Variants in ME3 observed in about 807,000 individuals in gnomAD.
ME3 encodes the protein malic enzyme 3.
Under a neutral mutation model 68.9 loss-of-function variants are expected in ME3, and 48 were observed. The observed-to-expected ratio is 0.70, with a 90% CI of 0.55 to 0.89. The LOEUF (loss-of-function observed/expected upper bound fraction) is 0.89. Among genes scored for constraint, ME3 ranks in the 40% least tolerant of loss-of-function variants. The probability of loss-of-function intolerance (pLI) is 0.00; values close to 1 mark genes in which losing one functional copy is unlikely to be tolerated. For synonymous variants in ME3, 320 were observed against 318.8 expected (o/e 1.00, Z -0.04); for missense variants, 675 against 797.4 (o/e 0.85, Z 1.85).
At chr11:86,498,195 C>T (rs1952488889) in intron 5 of ME3, 71 bp from the exon 6 acceptor site, 1 of 1,514,486 alleles carries the variant, frequency 6.6e-7, no homozygotes, top group Non-Finnish European at 8.9e-7. Context: ...TTAGCAGCCC[C>T]AGCCCATCAG....
intron 2 of ME3, among the ~76,000 whole-genome samples, chr11:86,662,365 G>A (rs1294326531): frequency 1.3e-5 from 2 of 152,170 alleles, no homozygotes; most frequent in Non-Finnish European, 1.5e-5. Context: ...GAGGTGGGAG[G>A]ATCACTTGAG....
At chr11:86,575,974 G>A (rs1308870673) in intron 2 of ME3, among the ~76,000 whole-genome samples, 1 of 152,180 alleles carries the variant, frequency 6.6e-6, no homozygotes, top group Non-Finnish European at 1.5e-5. Context: ...GGGTCTGAAA[G>A]TCTGCAACTT....
At chr11:86,488,427 GAA>G (rs1951818186) in intron 6 of ME3, among the ~76,000 whole-genome samples, 1 of 151,382 alleles carries the variant, frequency 6.6e-6, no homozygotes, top group Non-Finnish European at 1.5e-5. Context: ...AAATCTTACT[GAA>G]TACCTACCAT....
At chr11:86,609,810 T>G (rs931470808) in intron 2 of ME3, among the ~76,000 whole-genome samples, 1 of 152,216 alleles carries the variant, frequency 6.6e-6, no homozygotes, top group Non-Finnish European at 1.5e-5. Context: ...ACTGATGTGA[T>G]GGAATGCTAA....
At chr11:86,532,797 C>G (rs986572005) in intron 4 of ME3, among the ~76,000 whole-genome samples, 1 of 152,214 alleles carries the variant, frequency 6.6e-6, no homozygotes, top group African/African-American at 2.4e-5. Flanking sequence ...TGGTGGCTTA[C>G]GCCTGTAACC....
intron 2 of ME3, among the ~76,000 whole-genome samples, chr11:86,566,610 C>CCA (rs10636674): frequency 0.27 from 40,668 of 151,998 alleles, 5,853 homozygotes; most frequent in East Asian, 0.53. Context: ...TTCCTTACAG[C>CCA]CACATTGTGA....
At chr11:86,465,992 A>G (rs543008872) in intron 7 of ME3, among the ~76,000 whole-genome samples, 119 of 152,338 alleles carry the variant, frequency 7.8e-4, no homozygotes, top group African/African-American at 2.7e-3. Flanking sequence ...GGTGAAGACA[A>G]TGGCCATTAA....
chr11:86,630,746 A>C (rs1943962466), intron 2 of ME3, among the ~76,000 whole-genome samples: 1 of 152,256 alleles, frequency 6.6e-6, no homozygotes, highest in Non-Finnish European at 1.5e-5. Context: ...TTATTGAATG[A>C]CCATGTTACT....
chr11:86,462,579 T>A, intron 8 of ME3: 3 of 1,282,472 alleles, frequency 2.3e-6, no homozygotes, highest in Non-Finnish European at 3.0e-6. Flanking sequence ...AACAGGTGGG[T>A]GTGCTTATGA....
rs1203719973 is a variant in ME3, at chr11:86,607,858, T to C, written c.184-48035A>G. On this transcript the variant is annotated intron_variant, in intron 2 of 14. Coordinates refer to ENST00000543262, the Ensembl canonical transcript of ME3. ...GTTCGACATGATAGACCTTCAGATATTGGGGGGGCACTTATCTGCCTTTTG... is the reference window on the plus strand; with the variant it reads ...GTTCGACATGATAGACCTTCAGATACTGGGGGGGCACTTATCTGCCTTTTG... 3.9e-5 allele frequency among the ~76,000 whole-genome samples: 6 copies of C among 151,954 alleles called. No homozygotes were observed. The East Asian group carries it at 1.2e-3, about 30-fold the overall frequency.
At chr11:86,486,826 G>A (rs1319339383) in intron 7 of ME3, among the ~76,000 whole-genome samples, 2 of 152,212 alleles carry the variant, frequency 1.3e-5, no homozygotes, top group Non-Finnish European at 2.9e-5. Context: ...GTACTGTGAA[G>A]CTTCCCCAGT....
At chr11:86,652,112 G>A (rs565741620) in intron 2 of ME3, among the ~76,000 whole-genome samples, 5 of 152,278 alleles carry the variant, frequency 3.3e-5, no homozygotes, top group East Asian at 1.9e-4. Flanking sequence ...CCAAATCTAC[G>A]TCTGACTGGT....
intron 2 of ME3, among the ~76,000 whole-genome samples, chr11:86,593,550 A>T (rs1460135257): frequency 6.8e-6 from 1 of 146,528 alleles, no homozygotes; most frequent in Non-Finnish European, 1.5e-5. Flanking sequence ...CATCTCCCTA[A>T]GTTCAATAGG....
intron 2 of ME3, among the ~76,000 whole-genome samples, chr11:86,663,731 G>C (rs73514372): frequency 6.9e-4 from 105 of 152,242 alleles, no homozygotes; most frequent in African/African-American, 2.4e-3. Context: ...TGGTAGAAAT[G>C]ACAAAAATGT....
intron 4 of ME3, among the ~76,000 whole-genome samples, chr11:86,527,607 A>G (rs1954861235): frequency 6.6e-6 from 1 of 152,208 alleles, no homozygotes; most frequent in South Asian, 2.1e-4. Flanking sequence ...AGCCAGAGAG[A>G]AAGGTTGGGT....
At chr11:86,652,780 A>T (rs1027134734) in intron 2 of ME3, among the ~76,000 whole-genome samples, 1 of 152,222 alleles carries the variant, frequency 6.6e-6, no homozygotes, top group East Asian at 1.9e-4. Context: ...AAATGCTCCA[A>T]TTGAAAGACA....
intron 4 of ME3, among the ~76,000 whole-genome samples, chr11:86,536,295 T>C (rs1252504567): frequency 6.7e-6 from 1 of 149,802 alleles, no homozygotes; most frequent in Non-Finnish European, 1.5e-5. Context: ...GGGATCTAAT[T>C]AAACTAAAGA....
intron 4 of ME3, among the ~76,000 whole-genome samples, chr11:86,543,927 C>T (rs374843251): frequency 0.04 from 5,386 of 134,832 alleles, 149 homozygotes; most frequent in African/African-American, 0.051. Context: ...TCAGCAAATG[C>T]AAAAGAATGG....
At chr11:86,487,649 T>C (rs1228308328) in intron 6 of ME3, among the ~76,000 whole-genome samples, 1 of 152,172 alleles carries the variant, frequency 6.6e-6, no homozygotes, top group African/African-American at 2.4e-5. Flanking sequence ...TAGATGGTCC[T>C]CATTTTGGAA....
Sources: gnomAD v4.1 joint callset for allele counts (sites outside exome capture counted in the v4.1 genomes callset) on GRCh38, gnomAD v4.1.1 for gene constraint, MANE v1.5 for transcripts, NCBI Gene and HGNC (gene_info 2026-07-23, HGNC 2026-07-21) for gene names.